INSC: variants seen among roughly 807,000 people sequenced by gnomAD.
The protein encoded by INSC is INSC spindle orientation adaptor protein.
INSC carries 67 observed loss-of-function variants against 58.6 expected under a neutral mutation model. The observed-to-expected ratio is 1.14, with a 90% CI of 0.94 to 1.40. The LOEUF is 1.40. Among genes scored for constraint, INSC ranks in the 40% most tolerant of loss-of-function variants. The probability of loss-of-function intolerance (pLI) is 0.00; values close to 1 mark genes in which losing one functional copy is unlikely to be tolerated. For missense variants in INSC, 714 were observed against 692.0 expected (o/e 1.03, Z -0.36); for synonymous variants, 262 against 276.1 (o/e 0.95, Z 0.51).
intron 12 of INSC, 24 bp downstream of exon 12, chr11:15,240,547 C>T (rs753370705): frequency 6.9e-6 from 11 of 1,603,826 alleles, no homozygotes; most frequent in Non-Finnish European, 9.4e-6. Context: ...CTTCCCCCAG[C>T]TTTTCCCCTG....
chr11:15,248,523 A>G (rs1285114678), downstream of INSC, among the ~76,000 whole-genome samples: 1 of 152,154 alleles, frequency 6.6e-6, no homozygotes, highest in East Asian at 1.9e-4. Flanking sequence ...GTTTAATACT[A>G]ATTTTATGGT....
chr11:15,113,317 C>A (rs1433948932), upstream of INSC, among the ~76,000 whole-genome samples: 1 of 151,936 alleles, frequency 6.6e-6, no homozygotes, highest in African/African-American at 2.4e-5. Context: ...CATGACAACT[C>A]GCCCAGTTAA....
chr11:15,212,215 C>T (rs1292218277), intron 7 of INSC, among the ~76,000 whole-genome samples: 5 of 152,166 alleles, frequency 3.3e-5, no homozygotes, highest in African/African-American at 1.2e-4. Context: ...GATTCTCCTG[C>T]CTCAGCCTCC....
chr11:15,135,243 C>T (rs976670810), intron 1 of INSC, among the ~76,000 whole-genome samples: 18 of 152,154 alleles, frequency 1.2e-4, no homozygotes, highest in African/African-American at 4.3e-4. Flanking sequence ...TATTGGGCTC[C>T]TACTCTGTGT....
At chr11:15,125,582 C>T (rs1473114973) in intron 1 of INSC, among the ~76,000 whole-genome samples, 1 of 152,218 alleles carries the variant, frequency 6.6e-6, no homozygotes, top group Non-Finnish European at 1.5e-5. Context: ...ACAGATGTCT[C>T]TGTAACCCTG....
the INSC span, among the ~76,000 whole-genome samples, chr11:15,260,095 G>C: frequency 1.3e-5 from 2 of 152,136 alleles, no homozygotes; most frequent in African/African-American, 4.8e-5. Flanking sequence ...GCAGTGGAGA[G>C]GATCTTACCC....
the INSC span, among the ~76,000 whole-genome samples, chr11:15,259,407 A>G: frequency 6.6e-6 from 1 of 152,236 alleles, no homozygotes; most frequent in Non-Finnish European, 1.5e-5. Flanking sequence ...TTCTATAGAT[A>G]ATAATAGAGT....
At chr11:15,112,515 G>T (rs1463987243), upstream of INSC, 3 of 1,612,738 alleles carry the variant, frequency 1.9e-6, no homozygotes, top group Non-Finnish European at 2.5e-6. Context: ...CGAAGGTCCA[G>T]GTGGCTGGGG....
At chr11:15,133,618 G>T (rs1185425950) in intron 1 of INSC, among the ~76,000 whole-genome samples, 1 of 152,180 alleles carries the variant, frequency 6.6e-6, no homozygotes, top group Non-Finnish European at 1.5e-5. Context: ...CCCTTGGAAA[G>T]TTCCTAGGCT....
intron 5 of INSC, among the ~76,000 whole-genome samples, chr11:15,182,434 A>G (rs887652019): frequency 2.0e-5 from 3 of 152,224 alleles, no homozygotes; most frequent in African/African-American, 7.2e-5. Context: ...AACATCCACC[A>G]CAGGTTAATT....
chr11:15,224,187 T>G (rs1157501465), intron 8 of INSC, among the ~76,000 whole-genome samples: 3 of 152,206 alleles, frequency 2.0e-5, no homozygotes, highest in African/African-American at 7.2e-5. Context: ...GTAAAAAATA[T>G]GTACAGCAGT....
intron 5 of INSC, 150 bp from the exon 6 acceptor site, chr11:15,190,551 C>G (rs993803712): frequency 1.5e-6 from 1 of 669,202 alleles, no homozygotes; most frequent in Admixed American, 2.3e-5. Context: ...AAAGCTAGAA[C>G]TTCATTGCAC....
chr11:15,243,399 C>T (rs1852433802), intron 12 of INSC, among the ~76,000 whole-genome samples: 1 of 152,164 alleles, frequency 6.6e-6, no homozygotes, highest in Non-Finnish European at 1.5e-5. Context: ...TGGATTTTTC[C>T]TGAATGAAGC....
Position 15,139,961 on chromosome 11 carries a change from C to T in INSC, c.-45-9169C>T, listed in dbSNP as rs150876860. 7.7e-3 allele frequency among the ~76,000 whole-genome samples: 1,176 copies of T among 152,326 alleles called. 15 individuals carry two copies. Among genetic ancestry groups the T allele is most frequent in the African/African-American group, 0.027 (1,124 of 41,578 alleles). On this transcript the variant is annotated intron_variant, in intron 1 of 12. Transcript: ENST00000379556. ...CTGTGGCTTAGGGCTGGGAGCTCCT[C>T]TGATGAGTAGCTGGTCAACCAGAGC...
intron 8 of INSC, among the ~76,000 whole-genome samples, chr11:15,224,601 C>T (rs1190591787): frequency 6.6e-6 from 1 of 152,166 alleles, no homozygotes; most frequent in African/African-American, 2.4e-5. Context: ...AGGGCCTGGA[C>T]CGGAGAAGTA....
intron 6 of INSC, among the ~76,000 whole-genome samples, chr11:15,200,216 A>G (rs1448440096): frequency 6.6e-6 from 1 of 151,790 alleles, no homozygotes; most frequent in Non-Finnish European, 1.5e-5. Flanking sequence ...AGTGAAAATG[A>G]TGATGTGAAT....
chr11:15,264,369 G>T, the INSC span, among the ~76,000 whole-genome samples: 1 of 147,910 alleles, frequency 6.8e-6, no homozygotes, highest in African/African-American at 2.5e-5. Flanking sequence ...GCTTTGAAAG[G>T]CCCCTTTAGT....
intron 1 of INSC, among the ~76,000 whole-genome samples, chr11:15,133,925 A>G (rs921697981): frequency 6.6e-6 from 1 of 152,228 alleles, no homozygotes; most frequent in East Asian, 1.9e-4. Context: ...GGAGATAACA[A>G]TCTTGTATGA....
At chr11:15,143,868 G>A (rs1160551351) in intron 1 of INSC, among the ~76,000 whole-genome samples, 4 of 152,180 alleles carry the variant, frequency 2.6e-5, no homozygotes, top group African/African-American at 9.7e-5. Context: ...ATAGACTGGG[G>A]AAGTCAAATT....
Sources: gnomAD v4.1 joint callset for allele counts (sites outside exome capture counted in the v4.1 genomes callset) on GRCh38, gnomAD v4.1.1 for gene constraint, MANE v1.5 for transcripts, NCBI Gene and HGNC (gene_info 2026-07-23, HGNC 2026-07-21) for gene names.